The following FAM240C variants were observed in gnomAD, a reference collection of about 807,000 sequenced individuals.
The protein encoded by FAM240C is protein FAM240C.
Under a neutral mutation model 10.0 loss-of-function variants are expected in FAM240C, and 14 were observed. The observed-to-expected ratio is 1.40, with a 90% CI of 0.92 to 2.19. The LOEUF (loss-of-function observed/expected upper bound fraction) is 2.19. Among genes scored for constraint, FAM240C ranks in the 30% most tolerant of loss-of-function variants. The pLI, the probability that FAM240C is intolerant of heterozygous loss-of-function variation, is 0.00. For missense variants in FAM240C, 154 were observed against 122.3 expected (o/e 1.26, Z -1.22); for synonymous variants, 49 against 44.3 (o/e 1.11, Z -0.42).
At chr2:241,897,550 C>G (rs1200590354) in intron 1 of FAM240C, among the ~76,000 whole-genome samples, 1 of 152,172 alleles carries the variant, frequency 6.6e-6, no homozygotes, top group Non-Finnish European at 1.5e-5. Context: ...GCTCCACCTT[C>G]TGGAGCAGTC....
chr2:241,897,737 C>T (rs1009163116), intron 1 of FAM240C, among the ~76,000 whole-genome samples: 1 of 152,192 alleles, frequency 6.6e-6, no homozygotes, highest in Non-Finnish European at 1.5e-5. Flanking sequence ...CCAGGTGAGT[C>T]CATCCCTTGT....
At chr2:241,902,204 G>C (rs866374176), upstream of FAM240C, among the ~76,000 whole-genome samples, 2 of 152,028 alleles carry the variant, frequency 1.3e-5, no homozygotes, top group Non-Finnish European at 2.9e-5. This position sits in a 1 kb window ranked among gnomAD's most constrained non-coding sequence, Gnocchi z 7.1. Context: ...GCACCACGGA[G>C]GTTCTGAGTG....
chr2:241,897,458 C>T (rs1701880047), intron 1 of FAM240C, 124 bp from the exon 2 acceptor site: 5 of 1,230,004 alleles, frequency 4.1e-6, no homozygotes, highest in Non-Finnish European at 5.6e-6. Flanking sequence ...CCCCGCCTTC[C>T]TGGTTCGTGG....
At chr2:241,896,544 TTG>T (rs1701813451) in intron 2 of FAM240C, among the ~76,000 whole-genome samples, 2 of 64,370 alleles carry the variant, frequency 3.1e-5, no homozygotes, top group African/African-American at 5.2e-5. Flanking sequence ...GGTGTGGGTG[TTG>T]GGGTGTGTGT....
In FAM240C at chr2:241,900,452, G is replaced by A; in HGVS notation, c.-83C>T. On this transcript the variant is annotated 5_prime_UTR_variant, in exon 1 of 3. Coordinates refer to ENST00000404031, the MANE Select transcript of FAM240C (RefSeq NM_001382368.1). This position sits in a 1 kb window ranked among gnomAD's most constrained non-coding sequence, Gnocchi z 4.5. ...CGGGGTGCACGCCTGTATCTCGCCT[G>A]CCGCTCTCTGTTACATGGGCTCAGT... The A allele has an allele frequency of 2.8e-6, 2 of 708,568 alleles. No homozygotes were observed. The highest frequency in any genetic ancestry group is 5.3e-6 in the Non-Finnish European group (2 of 379,738). 43.9% of individuals were successfully genotyped at this position (708,568 alleles called of 1,614,324 possible). A position where few individuals can be genotyped will look rare whatever the true frequency, so the allele number is the denominator to read the frequency against.
At chr2:241,899,083 A>G in intron 1 of FAM240C, 1 of 1,283,572 alleles carries the variant, frequency 7.8e-7, no homozygotes, top group South Asian at 1.2e-5. Context: ...GGCAGCTGAG[A>G]CCCGCGGGCT....
rs201690821 is a variant in FAM240C, at chr2:241,895,965, G to GC, written c.161+1220_161+1221insG. On this transcript the variant is annotated intron_variant, in intron 2 of 2. Coordinates refer to ENST00000404031, the MANE Select transcript of FAM240C (RefSeq NM_001382368.1). Reference sequence around the variant, plus strand: ...CCCGTGGGGCAAGCACTCGGTGGTGGGGGGGGGCCTCTCCTTCACCATCGT... The same window carrying GC: ...CCCGTGGGGCAAGCACTCGGTGGTGGCGGGGGGGCCTCTCCTTCACCATCGT... 2.3e-4 allele frequency among the ~76,000 whole-genome samples: 34 copies of GC among 150,902 alleles called. 1 individual carries two copies. Among genetic ancestry groups the GC allele is most frequent in the African/African-American group, 5.7e-4 (23 of 40,360 alleles).
At chr2:241,899,051 G>T in intron 1 of FAM240C, 1 of 1,104,528 alleles carries the variant, frequency 9.1e-7, no homozygotes, top group Non-Finnish European at 1.2e-6. Flanking sequence ...GGTGGCAGGA[G>T]CGCGGCCCGA....
chr2:241,895,888 T>TAGGCACACAC (rs1465399051), intron 2 of FAM240C, among the ~76,000 whole-genome samples: 2 of 149,996 alleles, frequency 1.3e-5, no homozygotes, highest in African/African-American at 5.0e-5. Flanking sequence ...CGGAGGCACG[T>TAGGCACACAC]AGGCACACAC....
At chr2:241,897,052 C>T (rs1031632437) in intron 2 of FAM240C, 134 bp downstream of exon 2, 4 of 937,760 alleles carry the variant, frequency 4.3e-6, no homozygotes, top group Non-Finnish European at 6.3e-6. Context: ...TTTCACAGGC[C>T]TGGAGCTGAG....
intron 1 of FAM240C, 49 bp from the exon 2 acceptor site, chr2:241,897,383 ATTGACGAGT>A (rs1183295096): frequency 6.5e-7 from 1 of 1,533,124 alleles, no homozygotes; most frequent in African/African-American, 1.4e-5. Context: ...TGCCATTCCC[ATTGACGAGT>A]TTGTGCTCCA....
rs3934497 is a variant in FAM240C, at chr2:241,900,417, C to A, written c.-48G>T. On this transcript the variant is annotated 5_prime_UTR_variant, in exon 1 of 3. It adds an upstream start codon to the 5' untranslated region. Transcript: ENST00000404031. The surrounding 1 kb of genome is among the most constrained non-coding windows in gnomAD (Gnocchi z 4.5). ...CCTGTCTCTGTTGAGGGTCCTCAGCCTGTCCTCTCCGGGGTGCACGCCTGT... is the reference window on the plus strand; with the variant it reads ...CCTGTCTCTGTTGAGGGTCCTCAGCATGTCCTCTCCGGGGTGCACGCCTGT... The A allele has an allele frequency of 1.4e-6, 1 of 716,804 alleles. No individual in the cohort carries two copies. Among genetic ancestry groups the A allele is most frequent in the Admixed American group, 2.0e-5 (1 of 50,002 alleles). The allele number at this position is 716,804 out of a possible 1,614,324, so 44.4% of individuals were successfully genotyped here.
chr2:241,894,115 A>G lies in FAM240C; in HGVS notation c.*98T>C. On this transcript the variant is annotated 3_prime_UTR_variant, in exon 3 of 3. Transcript: ENST00000404031. Reference sequence around the variant, plus strand: ...GGTGCGGGCCATTTCCATGATGAAGATCCTGTGAACTCTGGCGTGGATGCT... The same window carrying G: ...GGTGCGGGCCATTTCCATGATGAAGGTCCTGTGAACTCTGGCGTGGATGCT... The G allele has an allele frequency of 7.4e-7, 1 of 1,360,412 alleles. No homozygotes were observed. Among genetic ancestry groups the G allele is most frequent in the Non-Finnish European group, 9.9e-7 (1 of 1,010,480 alleles). 84.3% of individuals were successfully genotyped at this position (1,360,412 alleles called of 1,614,324 possible).
At chr2:241,899,222 G>T (rs1455435803) in intron 1 of FAM240C, 5 of 1,303,548 alleles carry the variant, frequency 3.8e-6, no homozygotes, top group Non-Finnish European at 5.1e-6. Context: ...CTGGCTGGGG[G>T]CTTCCAGCTG....
intron 1 of FAM240C, chr2:241,899,273 G>T: frequency 7.8e-7 from 1 of 1,280,910 alleles, no homozygotes. Context: ...CTGTTGTGAT[G>T]TGGGTGCTGG....
chr2:241,896,325 T>C lies in FAM240C; in HGVS notation c.161+861A>G, dbSNP rs997559262. ...CCTAGGAGAGAAAGGCGTGCTGGCT[T>C]GGTATCTGCCTTCCTGAGCAAGTCT... is the stretch of plus-strand genomic sequence containing the variant. On this transcript the variant is annotated intron_variant, in intron 2 of 2. Coordinates refer to ENST00000404031, the MANE Select transcript of FAM240C (RefSeq NM_001382368.1). Among the ~76,000 whole-genome samples the C allele has an allele frequency of 2.0e-5, 3 of 152,156 alleles. No individual in the cohort carries two copies. In the South Asian group the frequency reaches 6.2e-4, roughly 31 times the overall value.
In FAM240C at chr2:241,896,488, G is replaced by GGGGGTGTGGGTGTT. The variant is rs146650996; in HGVS notation, c.161+697_161+698insAACACCCACACCCC. ...GAGTGTCAGGGAGATGGCGGGGGAA[G>GGGGGTGTGGGTGTT]GGGGTGTGGGTGAAGGGGGTGTGGG... On this transcript the variant is annotated intron_variant, in intron 2 of 2. Transcript: ENST00000404031. Among the ~76,000 whole-genome samples, 9 of 55,380 alleles carry GGGGGTGTGGGTGTT rather than the reference G, an allele frequency of 1.6e-4. 2 individuals carry two copies. Among genetic ancestry groups the GGGGGTGTGGGTGTT allele is most frequent in the East Asian group, 4.1e-4 (1 of 2,460 alleles). The allele number at this position is 55,380 out of a possible 152,430, so 36.3% of individuals were successfully genotyped here.
chr2:241,895,346 G>A (rs116074434), intron 2 of FAM240C, among the ~76,000 whole-genome samples: 3,368 of 152,352 alleles, frequency 0.022, 54 homozygotes, highest in Non-Finnish European at 0.038. Flanking sequence ...CCTCACAGCC[G>A]GCCGCCCATC....
chr2:241,901,238 C>G (rs979784402), upstream of FAM240C, among the ~76,000 whole-genome samples: 1 of 152,174 alleles, frequency 6.6e-6, no homozygotes, highest in African/African-American at 2.4e-5. The surrounding 1 kb of genome is among the most constrained non-coding windows in gnomAD (Gnocchi z 4.9). Context: ...CAAAGTGAAG[C>G]CCCCAGGCTT....
Sources: allele counts gnomAD v4.1 joint callset (sites outside exome capture counted in the v4.1 genomes callset), GRCh38; gene constraint gnomAD v4.1.1; non-coding constraint Gnocchi (gnomAD v3.1); transcripts MANE v1.5; gene names NCBI Gene and HGNC (gene_info 2026-07-23, HGNC 2026-07-21).